SV2C: variants seen among roughly 807,000 people sequenced by gnomAD.
SV2C encodes solute carrier family 22 member B3.
SV2C carries 49 observed loss-of-function variants against 79.7 expected under a neutral mutation model. The ratio of observed to expected loss-of-function variants is 0.61; its 90% CI spans 0.49 to 0.78. The LOEUF (loss-of-function observed/expected upper bound fraction) is 0.78. SV2C is among the 30% of genes least tolerant of loss of function. SV2C has a pLI of 0.00. For missense variants in SV2C, 833 were observed against 912.9 expected (o/e 0.91, Z 1.13); for synonymous variants, 334 against 333.2 (o/e 1.00, Z -0.03).
the SV2C span, among the ~76,000 whole-genome samples, chr5:75,922,874 A>G: frequency 3.3e-5 from 5 of 152,332 alleles, no homozygotes; most frequent in East Asian, 9.6e-4. Flanking sequence ...AGCAAGAAAT[A>G]AACCTTTGAT....
chr5:76,139,504 G>T (rs116487605), intron 2 of SV2C, among the ~76,000 whole-genome samples: 1,918 of 152,234 alleles, frequency 0.013, 42 homozygotes, highest in African/African-American at 0.044. Context: ...CTGGCATTCT[G>T]TTTTTTTCTA....
intron 2 of SV2C, among the ~76,000 whole-genome samples, chr5:76,170,137 C>T (rs1463686860): frequency 6.6e-6 from 1 of 150,830 alleles, no homozygotes; most frequent in African/African-American, 2.4e-5. Flanking sequence ...TTACATTTGG[C>T]CACCTCAAAG....
intron 4 of SV2C, among the ~76,000 whole-genome samples, chr5:76,250,352 C>T (rs1267111690): frequency 1.7e-4 from 26 of 152,168 alleles, no homozygotes; most frequent in Admixed American, 1.6e-3. Context: ...GACATTAGGG[C>T]TCTCAGCAAT....
rs887836676 is a variant in SV2C, at chr5:76,328,316, C to A, written c.*2769C>A. ...AAACCTAGGAAATAGTCCACTTGCT[C>A]CTATATTTTTACCACCTTTTCTAAC... On this transcript the variant is annotated 3_prime_UTR_variant, in exon 13 of 13. Transcript: ENST00000502798. 3 of 152,160 alleles carry A rather than the reference C, an allele frequency of 2.0e-5. No homozygotes were observed. The highest frequency in any genetic ancestry group is 2.9e-5 in the Non-Finnish European group (2 of 68,024). The allele number at this position is 152,160 out of a possible 1,614,324, so 9.4% of individuals were successfully genotyped here.
At chr5:75,955,004 A>T in the SV2C span, among the ~76,000 whole-genome samples, 1 of 148,104 alleles carries the variant, frequency 6.8e-6, no homozygotes, top group Non-Finnish European at 1.5e-5. Flanking sequence ...CATCCCCATC[A>T]AGCTACCAAT....
the SV2C span, among the ~76,000 whole-genome samples, chr5:75,962,395 T>C: frequency 1.3e-5 from 2 of 152,092 alleles, no homozygotes; most frequent in Non-Finnish European, 2.9e-5. Context: ...AGAATATTAG[T>C]ACTCATTTGG....
At chr5:75,979,387 G>A in the SV2C span, among the ~76,000 whole-genome samples, 2 of 151,558 alleles carry the variant, frequency 1.3e-5, no homozygotes, top group Non-Finnish European at 3.0e-5. Flanking sequence ...TGGACCTGAT[G>A]CCTACAGAAT....
At chr5:76,069,232 A>G in the SV2C span, among the ~76,000 whole-genome samples, 6 of 152,204 alleles carry the variant, frequency 3.9e-5, no homozygotes. Flanking sequence ...TGCTTTGAGA[A>G]TCAATCAAGG....
At chr5:75,972,609 A>G in the SV2C span, among the ~76,000 whole-genome samples, 2 of 152,142 alleles carry the variant, frequency 1.3e-5, no homozygotes, top group East Asian at 3.8e-4. Context: ...GAGAAATGCA[A>G]ATCAAAACCA....
the SV2C span, among the ~76,000 whole-genome samples, chr5:75,886,858 G>A: frequency 2.0e-5 from 3 of 151,974 alleles, no homozygotes; most frequent in Non-Finnish European, 1.5e-5. Flanking sequence ...AAAATAAGAT[G>A]TCTTCTAGGA....
intron 12 of SV2C, among the ~76,000 whole-genome samples, chr5:76,341,660 G>A (rs1749443888): frequency 6.6e-6 from 1 of 152,108 alleles, no homozygotes; most frequent in Non-Finnish European, 1.5e-5. Flanking sequence ...ATTTCACTGG[G>A]GTTTATAAGG....
chr5:76,234,179 G>A (rs1745536672), intron 4 of SV2C, among the ~76,000 whole-genome samples: 1 of 152,114 alleles, frequency 6.6e-6, no homozygotes, highest in South Asian at 2.1e-4. Flanking sequence ...AAATGTGAAG[G>A]AACTAGTAAT....
At chr5:76,238,897 A>G (rs1372184778) in intron 4 of SV2C, among the ~76,000 whole-genome samples, 1 of 152,132 alleles carries the variant, frequency 6.6e-6, no homozygotes, top group Non-Finnish European at 1.5e-5. Flanking sequence ...CCAAGTCCAG[A>G]CTATTGCAAC....
At chr5:75,968,979 G>A in the SV2C span, among the ~76,000 whole-genome samples, 67 of 152,250 alleles carry the variant, frequency 4.4e-4, no homozygotes, top group Admixed American at 1.1e-3. Flanking sequence ...CTGATCTCTC[G>A]GCAGAAACTC....
intron 2 of SV2C, among the ~76,000 whole-genome samples, chr5:76,153,576 A>G (rs2112234493): frequency 6.6e-6 from 1 of 152,328 alleles, no homozygotes; most frequent in East Asian, 1.9e-4. Context: ...GAGAGTTTAC[A>G]GGCCAGAGAG....
In SV2C at chr5:76,332,061, C is replaced by T. The variant is rs1410386154; in HGVS notation, c.*6514C>T. 1 of 152,186 alleles carries T rather than the reference C, an allele frequency of 6.6e-6. No individual in the cohort carries two copies. Among genetic ancestry groups the T allele is most frequent in the Non-Finnish European group, 1.5e-5 (1 of 68,048 alleles). The allele number at this position is 152,186 out of a possible 1,614,324, so 9.4% of individuals were successfully genotyped here. On this transcript the variant is annotated 3_prime_UTR_variant, in exon 13 of 13. Transcript: ENST00000502798. ...GGCTAGTGGAGGTAGATGGTACTCT[C>T]CATGTCTGCAGAAGATTCCCCACTT...
the SV2C span, among the ~76,000 whole-genome samples, chr5:75,904,540 C>T: frequency 0.011 from 1,708 of 152,026 alleles, 11 homozygotes; most frequent in African/African-American, 0.025. Flanking sequence ...CTGTCCAGAG[C>T]GTCAAGAACA....
At chr5:75,896,067 TTTATTA>T in the SV2C span, among the ~76,000 whole-genome samples, 1 of 151,948 alleles carries the variant, frequency 6.6e-6, no homozygotes, top group Non-Finnish European at 1.5e-5. Flanking sequence ...TTTATTTTAT[TTTATTA>T]TTATTATACT....
At chr5:75,941,816 G>A in the SV2C span, among the ~76,000 whole-genome samples, 1 of 152,076 alleles carries the variant, frequency 6.6e-6, no homozygotes, top group African/African-American at 2.4e-5. Context: ...CTTGGAGCTG[G>A]ACATAAATAA....
Sources: allele counts gnomAD v4.1 joint callset (sites outside exome capture counted in the v4.1 genomes callset), GRCh38; gene constraint gnomAD v4.1.1; transcripts MANE v1.5; gene names NCBI Gene and HGNC (gene_info 2026-07-23, HGNC 2026-07-21).